KLHDC2: variants seen among roughly 807,000 people sequenced by gnomAD.
The protein encoded by KLHDC2 is kelch domain containing 2.
A neutral mutation model predicts 62.3 loss-of-function variants in KLHDC2; 38 were observed. The ratio of observed to expected loss-of-function variants is 0.61; its 90% CI spans 0.47 to 0.80. KLHDC2 has a LOEUF of 0.80. KLHDC2 is among the 30% of genes least tolerant of loss of function. The pLI, the probability that KLHDC2 is intolerant of heterozygous loss-of-function variation, is 0.00. For missense variants in KLHDC2, 430 were observed against 495.3 expected (o/e 0.87, Z 1.25); for synonymous variants, 159 against 161.0 (o/e 0.99, Z 0.09).
intron 6 of KLHDC2, among the ~76,000 whole-genome samples, chr14:49,779,304 C>A (rs1889838484): frequency 6.6e-6 from 1 of 152,186 alleles, no homozygotes; most frequent in African/African-American, 2.4e-5. Context: ...AATTATATTT[C>A]TTTTCCCTTT....
In KLHDC2 at chr14:49,778,068, A is replaced by AT; in HGVS notation, c.468-108dup. ...CATACCTCATAGGGCCCATATGAAG[A>AT]TTAACTGAATTAATACATGAAAGCA... On this transcript the variant is annotated intron_variant, in intron 4 of 12. Transcript: ENST00000298307. 6 of 898,448 alleles carry AT rather than the reference A, an allele frequency of 6.7e-6. No homozygotes were observed. The South Asian group carries it at 9.2e-5, about 14-fold the overall frequency. The allele number at this position is 898,448 out of a possible 1,614,324, so 55.7% of individuals were successfully genotyped here.
Position 49,782,727 on chromosome 14 carries a change from A to ATCTT in KLHDC2, c.1098-101_1098-98dup, listed in dbSNP as rs2139806534. ...ATTGCTATAACCAGTTCCTATGAAA[A>ATCTT]TCTTTGAAGAAAGAAAGAGGGATGT... On this transcript the variant is annotated intron_variant, in intron 12 of 12. Coordinates refer to ENST00000298307, the MANE Select transcript of KLHDC2 (RefSeq NM_014315.3). The ATCTT allele has an allele frequency of 1.0e-5, 15 of 1,438,152 alleles. 1 individual carries two copies. The South Asian group carries it at 1.6e-4, about 15-fold the overall frequency. 89.1% of individuals were successfully genotyped at this position (1,438,152 alleles called of 1,614,324 possible). A position where few individuals can be genotyped will look rare whatever the true frequency, so the allele number is the denominator to read the frequency against.
In KLHDC2 at chr14:49,784,129, TG is replaced by T. The variant is rs1890047405; in HGVS notation, c.*1177del. The T allele has an allele frequency of 6.6e-6, 1 of 151,896 alleles. No individual in the cohort carries two copies. The allele number at this position is 151,896 out of a possible 1,614,324, so 9.4% of individuals were successfully genotyped here. On this transcript the variant is annotated 3_prime_UTR_variant, in exon 13 of 13. Coordinates refer to ENST00000298307, the MANE Select transcript of KLHDC2 (RefSeq NM_014315.3). The stretch of plus-strand genomic sequence containing the variant: ...CAGATGTATATAATTAGCATTTAAC[TG>T]TCCACAAATACTTTAGGAAATCCTA...
intron 1 of KLHDC2, among the ~76,000 whole-genome samples, chr14:49,770,913 A>G (rs1362892132): frequency 1.3e-5 from 2 of 152,264 alleles, no homozygotes; most frequent in African/African-American, 2.4e-5. Context: ...AGGCATGGCT[A>G]GAAAACCACG....
intron 1 of KLHDC2, 91 bp downstream of exon 1, chr14:49,768,712 G>T: frequency 1.6e-6 from 2 of 1,266,872 alleles, no homozygotes; most frequent in Non-Finnish European, 2.1e-6. Context: ...GCGGGCCGCC[G>T]AGGGCGCTCC....
chr14:49,781,282 T>C (rs567110260), intron 10 of KLHDC2, among the ~76,000 whole-genome samples: 7 of 148,772 alleles, frequency 4.7e-5, no homozygotes, highest in African/African-American at 1.5e-4. Flanking sequence ...GGCAGGACAA[T>C]TGCCTGAACC....
chr14:49,768,313 AAAC>A lies in KLHDC2; in HGVS notation c.-155_-153del, dbSNP rs1889585757. The A allele has an allele frequency of 1.3e-6, 1 of 784,908 alleles. No individual in the cohort carries two copies. The highest frequency in any genetic ancestry group is 1.9e-6 in the Non-Finnish European group (1 of 521,594). 48.6% of individuals were successfully genotyped at this position (784,908 alleles called of 1,614,324 possible). ...GCCGTCCTCGGCCGAGGAGGCTGGGAAACGCGAGCGCAGGCGGCAGAGAGGCCT... is the reference window on the plus strand; with the variant it reads ...GCCGTCCTCGGCCGAGGAGGCTGGGAGCGAGCGCAGGCGGCAGAGAGGCCT... On this transcript the variant is annotated 5_prime_UTR_variant, in exon 1 of 13. Coordinates refer to ENST00000298307, the MANE Select transcript of KLHDC2 (RefSeq NM_014315.3).
chr14:49,780,047 C>T (rs1246455475), intron 8 of KLHDC2, 166 bp from the exon 9 acceptor site: 30 of 620,272 alleles, frequency 4.8e-5, no homozygotes, highest in East Asian at 4.4e-4. Context: ...TTGATTCTAA[C>T]GTCAAAGAAA....
chr14:49,781,440 C>T (rs959043666), intron 10 of KLHDC2, among the ~76,000 whole-genome samples: 32 of 148,206 alleles, frequency 2.2e-4, no homozygotes, highest in African/African-American at 6.7e-4. Flanking sequence ...ACATGGGAGG[C>T]GAGGTACAGT....
Position 49,785,161 on chromosome 14 carries a change from C to G in KLHDC2, c.*2208C>G. 1 of 1,600,430 alleles carries G rather than the reference C, an allele frequency of 6.2e-7. No homozygotes were observed. The highest frequency in any genetic ancestry group is 8.6e-7 in the Non-Finnish European group (1 of 1,167,748). ...CTTTAAAAAGGAATTACATGTGTTA[C>G]TAAATAGACGTTACAAAACAATTCA... On this transcript the variant is annotated 3_prime_UTR_variant, in exon 13 of 13. Coordinates refer to ENST00000298307, the MANE Select transcript of KLHDC2 (RefSeq NM_014315.3).
At chr14:49,776,904 G>A (rs1889784104) in intron 3 of KLHDC2, among the ~76,000 whole-genome samples, 1 of 144,646 alleles carries the variant, frequency 6.9e-6, no homozygotes, top group South Asian at 2.3e-4. Context: ...GTGACAGAGC[G>A]AGATTCTGTC....
At chr14:49,770,815 C>G (rs1184679967) in intron 1 of KLHDC2, among the ~76,000 whole-genome samples, 2 of 152,216 alleles carry the variant, frequency 1.3e-5, no homozygotes, top group Non-Finnish European at 2.9e-5. Context: ...GAACAAAGAA[C>G]TTAAAATTCT....
At chr14:49,777,677 A>G (rs992219440) in intron 3 of KLHDC2, 162 bp from the exon 4 acceptor site, 3 of 476,270 alleles carry the variant, frequency 6.3e-6, no homozygotes, top group African/African-American at 6.0e-5. Flanking sequence ...CAGTCACAGA[A>G]TCCTCATCTG....
intron 1 of KLHDC2, 101 bp downstream of exon 1, chr14:49,768,722 C>G: frequency 8.6e-7 from 1 of 1,164,304 alleles, no homozygotes; most frequent in Non-Finnish European, 1.1e-6. Context: ...GAGGGCGCTC[C>G]CCGCCTGCGT....
chr14:49,782,272 T>TA, intron 10 of KLHDC2, 98 bp from the exon 11 acceptor site: 1 of 747,968 alleles, frequency 1.3e-6, no homozygotes, highest in Non-Finnish European at 2.2e-6. Flanking sequence ...TGAACTACCT[T>TA]AAGATCGCTA....
At chr14:49,774,996 T>A (rs550103931) in intron 3 of KLHDC2, 98 of 276,158 alleles carry the variant, frequency 3.5e-4, no homozygotes, top group Non-Finnish European at 5.6e-4. Context: ...GCAGACAAAA[T>A]GAAGACAAGA....
chr14:49,778,069 T>C, intron 4 of KLHDC2, 109 bp from the exon 5 acceptor site: 1 of 900,386 alleles, frequency 1.1e-6, no homozygotes, highest in Non-Finnish European at 1.8e-6. Context: ...CATATGAAGA[T>C]TAACTGAATT....
intron 6 of KLHDC2, among the ~76,000 whole-genome samples, 174 bp downstream of exon 6, chr14:49,778,668 G>A (rs1398223558): frequency 6.6e-6 from 1 of 151,858 alleles, no homozygotes; most frequent in Non-Finnish European, 1.5e-5. Context: ...CTAGAACTCA[G>A]AAGTTTAATG....
chr14:49,781,859 T>TA (rs1555343539), intron 10 of KLHDC2, among the ~76,000 whole-genome samples: 1 of 152,218 alleles, frequency 6.6e-6, no homozygotes, highest in Non-Finnish European at 1.5e-5. Flanking sequence ...AAGGAAATGA[T>TA]ACAGTCAAAA....
Sources: allele counts gnomAD v4.1 joint callset (sites outside exome capture counted in the v4.1 genomes callset), GRCh38; gene constraint gnomAD v4.1.1; transcripts MANE v1.5; gene names NCBI Gene and HGNC (gene_info 2026-07-23, HGNC 2026-07-21).